PHC3: variants seen among roughly 807,000 people sequenced by gnomAD.
PHC3 encodes the protein polyhomeotic-like protein 3.
A neutral mutation model predicts 107.4 loss-of-function variants in PHC3; 13 were observed. The ratio of observed to expected loss-of-function variants is 0.12; its 90% CI spans 0.08 to 0.19. The LOEUF (loss-of-function observed/expected upper bound fraction) is 0.19. Among genes scored for constraint, PHC3 ranks in the 10% least tolerant of loss-of-function variants. PHC3 has a pLI of 1.00. For synonymous variants in PHC3, 456 were observed against 427.4 expected, an observed-to-expected ratio of 1.07 and a Z score of -0.83; for missense variants, 992 against 1,210.9, an observed-to-expected ratio of 0.82 and a Z score of 2.68.
At chr3:170,132,433 T>C (rs1166081818) in intron 7 of PHC3, among the ~76,000 whole-genome samples, 2 of 152,240 alleles carry the variant, frequency 1.3e-5, no homozygotes, top group Non-Finnish European at 2.9e-5. Context: ...ATTCGTATGC[T>C]GAAGCCCTAA....
At chr3:170,165,655 G>A (rs1393665331) in intron 4 of PHC3, among the ~76,000 whole-genome samples, 2 of 150,120 alleles carry the variant, frequency 1.3e-5, no homozygotes, top group African/African-American at 4.9e-5. Context: ...TTGGGAGGGT[G>A]AGGCATGAGA....
intron 2 of PHC3, among the ~76,000 whole-genome samples, chr3:170,178,535 G>A (rs1393742993): frequency 6.6e-6 from 1 of 152,330 alleles, no homozygotes; most frequent in South Asian, 2.1e-4. Context: ...TGAGATGCCA[G>A]CTCCTTCATA....
intron 7 of PHC3, 51 bp downstream of exon 7, chr3:170,136,368 C>G: frequency 1.9e-6 from 3 of 1,607,056 alleles, no homozygotes; most frequent in Non-Finnish European, 2.6e-6. Flanking sequence ...TTTGCTCTGT[C>G]TGCTAAGAAA....
intron 2 of PHC3, among the ~76,000 whole-genome samples, chr3:170,175,856 A>T (rs1469030442): frequency 6.6e-6 from 1 of 150,932 alleles, no homozygotes; most frequent in Non-Finnish European, 1.5e-5. Context: ...CCAGGGAGGC[A>T]GAGGTTGCAG....
chr3:170,126,528 A>ATATATTTTTTT (rs370421296), intron 8 of PHC3, among the ~76,000 whole-genome samples: 5 of 90,636 alleles, frequency 5.5e-5, no homozygotes, highest in African/African-American at 2.2e-4. Flanking sequence ...ATATATATAT[A>ATATATTTTTTT]TTTTTTTTTT....
chr3:170,173,732 GAGTA>G (rs1169353816), intron 2 of PHC3, among the ~76,000 whole-genome samples: 4 of 152,114 alleles, frequency 2.6e-5, no homozygotes, highest in Non-Finnish European at 5.9e-5. Flanking sequence ...ATAGTATATA[GAGTA>G]AGATACCATT....
intron 4 of PHC3, chr3:170,169,583 T>C (rs1729271553): frequency 6.6e-6 from 1 of 152,170 alleles, no homozygotes; most frequent in African/African-American, 2.4e-5. Flanking sequence ...CCACCAGCCA[T>C]TTACAGCTTT....
rs535615091 is a variant in PHC3, at chr3:170,141,024, A to G, written c.673-4359T>C. The stretch of plus-strand genomic sequence containing the variant: ...AAAAGTGAGATATTCCAAATTTCTC[A>G]TTTTTACACTATGGTATAAGAATGT... On this transcript the variant is annotated intron_variant, in intron 6 of 14. Coordinates refer to ENST00000495893, the MANE Select transcript of PHC3 (RefSeq NM_024947.4). Among the ~76,000 whole-genome samples, 569 of 152,334 alleles carry G rather than the reference A, an allele frequency of 3.7e-3. 1 individual carries two copies. The highest frequency in any genetic ancestry group is 6.9e-3 in the Non-Finnish European group (470 of 68,020).
At chr3:170,107,243 T>C (rs1716712539) in intron 11 of PHC3, among the ~76,000 whole-genome samples, 1 of 152,178 alleles carries the variant, frequency 6.6e-6, no homozygotes, top group Non-Finnish European at 1.5e-5. Context: ...TTATAAACAC[T>C]GGGAGAGAAA....
intron 6 of PHC3, among the ~76,000 whole-genome samples, chr3:170,141,158 A>T (rs1724037881): frequency 6.6e-6 from 1 of 152,238 alleles, no homozygotes; most frequent in South Asian, 2.1e-4. Flanking sequence ...TTTTAACTGC[A>T]AATATAATTC....
chr3:170,181,722 T>C lies in PHC3; in HGVS notation c.-7A>G, dbSNP rs776949282. The C allele has an allele frequency of 4.4e-5, 71 of 1,612,608 alleles. No individual in the cohort carries two copies. The highest frequency in any genetic ancestry group is 5.8e-5 in the Non-Finnish European group (68 of 1,179,776). ...CTCACTCCGCTTCCGCCATCTTCTC[T>C]CCTCCATCACTAACATGGGCTGCGC... On this transcript the variant is annotated 5_prime_UTR_variant, in exon 1 of 15. Coordinates refer to ENST00000495893, the MANE Select transcript of PHC3 (RefSeq NM_024947.4).
intron 6 of PHC3, 103 bp downstream of exon 6, chr3:170,145,320 A>C: frequency 1.3e-6 from 1 of 791,624 alleles, no homozygotes; most frequent in Non-Finnish European, 1.9e-6. Flanking sequence ...ATGCATGACA[A>C]AGAGCACTGA....
At chr3:170,174,072 A>G (rs904889294) in intron 2 of PHC3, among the ~76,000 whole-genome samples, 1 of 152,104 alleles carries the variant, frequency 6.6e-6, no homozygotes, top group Non-Finnish European at 1.5e-5. Context: ...ATGCACCTGT[A>G]ATCCCAGATA....
intron 4 of PHC3, among the ~76,000 whole-genome samples, chr3:170,159,044 G>A (rs1399808482): frequency 1.3e-5 from 2 of 152,012 alleles, no homozygotes; most frequent in Non-Finnish European, 2.9e-5. Context: ...AAGGTCAGGA[G>A]ATCGAGACCA....
intron 9 of PHC3, among the ~76,000 whole-genome samples, chr3:170,118,965 T>G (rs1577038922): frequency 7.9e-6 from 1 of 126,514 alleles, no homozygotes; most frequent in East Asian, 2.2e-4. Context: ...TTTCACCAAA[T>G]AATCCACCAA....
intron 2 of PHC3, among the ~76,000 whole-genome samples, chr3:170,173,033 A>C (rs1172154641): frequency 6.6e-6 from 1 of 152,000 alleles, no homozygotes; most frequent in Non-Finnish European, 1.5e-5. Context: ...TCTACTAAAA[A>C]CACAAAAAAT....
intron 6 of PHC3, among the ~76,000 whole-genome samples, chr3:170,141,221 G>A (rs1409882739): frequency 6.6e-6 from 1 of 152,116 alleles, no homozygotes; most frequent in African/African-American, 2.4e-5. Context: ...TGAACTTGAC[G>A]AAAGTTATCA....
chr3:170,171,474 T>C (rs1729583937), intron 3 of PHC3, 24 bp from the exon 4 acceptor site: 3 of 1,519,230 alleles, frequency 2.0e-6, no homozygotes, highest in Admixed American at 2.2e-5. Flanking sequence ...ACTTTTAGAA[T>C]ATGTCGGTAA....
In PHC3 at chr3:170,159,947, G is replaced by A. The variant is rs554708149; in HGVS notation, c.415-10703C>T. Among the ~76,000 whole-genome samples the A allele has an allele frequency of 3.0e-3, 456 of 152,246 alleles. 4 individuals carry two copies. The highest frequency in any genetic ancestry group is 4.8e-3 in the Non-Finnish European group (324 of 67,990). ...AATTATAAAAAGAGGTAATTTTCAA[G>A]CCCACAAAGATTTAGTTTTTCTTCC... On this transcript the variant is annotated intron_variant, in intron 4 of 14. Transcript: ENST00000495893.
Sources: allele counts gnomAD v4.1 joint callset (sites outside exome capture counted in the v4.1 genomes callset), GRCh38; gene constraint gnomAD v4.1.1; transcripts MANE v1.5; gene names NCBI Gene and HGNC (gene_info 2026-07-23, HGNC 2026-07-21).